SEMA5A: variants seen among roughly 807,000 people sequenced by gnomAD.
The protein encoded by SEMA5A is semaphorin-5A.
Under a neutral mutation model 135.5 loss-of-function variants are expected in SEMA5A, and 55 were observed. That is an observed-to-expected ratio of 0.41 (90% CI 0.33 to 0.51). The LOEUF is 0.51. SEMA5A is among the 20% of genes least tolerant of loss of function. The pLI, the probability that SEMA5A is intolerant of heterozygous loss-of-function variation, is 0.37. For synonymous variants in SEMA5A, 580 were observed against 546.5 expected, an observed-to-expected ratio of 1.06 and a Z score of -0.85; for missense variants, 1,290 against 1,419.9, an observed-to-expected ratio of 0.91 and a Z score of 1.47.
At chr5:9,290,402 A>G (rs536955163) in intron 5 of SEMA5A, among the ~76,000 whole-genome samples, 1 of 152,326 alleles carries the variant, frequency 6.6e-6, no homozygotes, top group East Asian at 1.9e-4. Context: ...TTTATGATAT[A>G]CATATATATA....
At chr5:9,492,201 T>C (rs1735049950) in intron 1 of SEMA5A, among the ~76,000 whole-genome samples, 1 of 152,184 alleles carries the variant, frequency 6.6e-6, no homozygotes, top group Non-Finnish European at 1.5e-5. Flanking sequence ...ATGTTATGAG[T>C]TGGAAAGTGG....
intron 1 of SEMA5A, among the ~76,000 whole-genome samples, chr5:9,480,754 A>G (rs1016266855): frequency 6.6e-6 from 1 of 152,128 alleles, no homozygotes; most frequent in Non-Finnish European, 1.5e-5. Flanking sequence ...TGTGCAAATT[A>G]GAGGTGTCAG....
intron 1 of SEMA5A, among the ~76,000 whole-genome samples, chr5:9,455,625 A>G (rs998140405): frequency 6.6e-6 from 1 of 152,228 alleles, no homozygotes; most frequent in East Asian, 1.9e-4. Context: ...AATGGGCCAG[A>G]ACAGAGAAGG....
intron 5 of SEMA5A, among the ~76,000 whole-genome samples, chr5:9,248,769 G>A (rs1172576647): frequency 6.6e-6 from 1 of 152,028 alleles, no homozygotes; most frequent in African/African-American, 2.4e-5. Flanking sequence ...CAAGGAGGCC[G>A]GCAGCCACCC....
chr5:9,214,598 G>A (rs1651098614), intron 8 of SEMA5A, among the ~76,000 whole-genome samples: 1 of 152,114 alleles, frequency 6.6e-6, no homozygotes, highest in African/African-American at 2.4e-5. Flanking sequence ...CCTTACTCAG[G>A]GATCTCTGTA....
chr5:9,235,495 T>C (rs774504506), intron 6 of SEMA5A, among the ~76,000 whole-genome samples: 1 of 152,186 alleles, frequency 6.6e-6, no homozygotes, highest in Non-Finnish European at 1.5e-5. Context: ...ACTACCCTGG[T>C]ATGGGCTTCT....
intron 12 of SEMA5A, among the ~76,000 whole-genome samples, chr5:9,141,791 T>C (rs1298433862): frequency 6.6e-6 from 1 of 152,214 alleles, no homozygotes; most frequent in East Asian, 1.9e-4. Context: ...TCACTGTATT[T>C]CTGAAAAGTT....
At chr5:9,171,475 G>A (rs1038155274) in intron 11 of SEMA5A, among the ~76,000 whole-genome samples, 5 of 152,168 alleles carry the variant, frequency 3.3e-5, no homozygotes, top group African/African-American at 4.8e-5. Flanking sequence ...ACTCATGGTC[G>A]AGACGACAAG....
At chr5:9,232,483 C>T (rs1382880114) in intron 6 of SEMA5A, among the ~76,000 whole-genome samples, 1 of 152,098 alleles carries the variant, frequency 6.6e-6, no homozygotes, top group Non-Finnish European at 1.5e-5. Flanking sequence ...CCATACCTAA[C>T]CAAATCAGAT....
intron 8 of SEMA5A, among the ~76,000 whole-genome samples, chr5:9,211,370 T>C (rs1746337592): frequency 6.6e-6 from 1 of 152,220 alleles, no homozygotes; most frequent in African/African-American, 2.4e-5. Context: ...TACCCACATA[T>C]ACTTCATTCC....
intron 2 of SEMA5A, among the ~76,000 whole-genome samples, chr5:9,399,986 G>T (rs1046931841): frequency 1.3e-5 from 2 of 152,098 alleles, no homozygotes; most frequent in Non-Finnish European, 2.9e-5. Flanking sequence ...CCATAAAAAA[G>T]GATGACTTCA....
At chr5:9,053,281 C>T (rs1216578804) in intron 19 of SEMA5A, among the ~76,000 whole-genome samples, 4 of 152,198 alleles carry the variant, frequency 2.6e-5, no homozygotes, top group Non-Finnish European at 5.9e-5. Flanking sequence ...CCAAGGCTGG[C>T]TCCTATGAGG....
chr5:9,372,621 G>C (rs891181123), intron 3 of SEMA5A, among the ~76,000 whole-genome samples: 6 of 151,954 alleles, frequency 3.9e-5, no homozygotes, highest in African/African-American at 1.4e-4. Context: ...CATGCATGTA[G>C]CTGTGGGAGA....
At chr5:9,180,065 T>A (rs1023475682) in intron 11 of SEMA5A, among the ~76,000 whole-genome samples, 3 of 152,186 alleles carry the variant, frequency 2.0e-5, no homozygotes, top group African/African-American at 4.8e-5. Context: ...TGCACTCCAA[T>A]CTCTGCCCGT....
intron 3 of SEMA5A, among the ~76,000 whole-genome samples, chr5:9,362,888 G>A (rs1003684148): frequency 6.6e-6 from 1 of 152,200 alleles, no homozygotes; most frequent in Non-Finnish European, 1.5e-5. Flanking sequence ...ATGCACAAAT[G>A]AGAAACAACA....
intron 16 of SEMA5A, among the ~76,000 whole-genome samples, chr5:9,091,406 A>G (rs766554376): frequency 7.9e-5 from 12 of 152,186 alleles, no homozygotes; most frequent in Admixed American, 4.6e-4. Context: ...AGAGCTGAGG[A>G]TGACAATCCA....
intron 5 of SEMA5A, among the ~76,000 whole-genome samples, chr5:9,272,510 G>T: frequency 6.6e-6 from 1 of 152,172 alleles, no homozygotes; most frequent in East Asian, 1.9e-4. Context: ...TTTGAGCTCT[G>T]ATAAGGGACA....
chr5:9,185,055 G>A lies in SEMA5A; in HGVS notation c.1273+5212C>T, dbSNP rs527848795. ...CAATCCTCCCAACTCAGCCTCCAGA[G>A]TAGCTGGGACTGCAGGTGCTCACCA... On this transcript the variant is annotated intron_variant, in intron 11 of 22. Coordinates refer to ENST00000382496, the MANE Select transcript of SEMA5A (RefSeq NM_003966.3). Among the ~76,000 whole-genome samples the A allele has an allele frequency of 5.9e-5, 9 of 152,264 alleles. No individual in the cohort carries two copies. In the East Asian group the frequency reaches 1.5e-3, roughly 26 times the overall value.
rs753208150 is a variant in SEMA5A, at chr5:9,224,833, A to G, written c.487T>C (p.Tyr163His). ...DQISGMARCP[Y>H]SPQHNSTALL... ...GCTGTGGAATTGTGCTGGGGACTGT[A>G]GGGACAGCGGGCCATGCCACTGATC... Residue 163 changes from tyrosine (Y) to histidine (H), a missense_variant, in exon 8 of 23, where the codon TAC (tyrosine) becomes CAC (histidine). By Grantham distance (83) the Tyr-to-His change is moderately conservative (BLOSUM62 2). Transcript: ENST00000382496. 6.8e-6 allele frequency: 11 copies of G among 1,613,976 alleles called. No homozygotes were observed. The highest frequency in any genetic ancestry group is 9.3e-6 in the Non-Finnish European group (11 of 1,179,936).
Sources: gnomAD v4.1 joint callset for allele counts (sites outside exome capture counted in the v4.1 genomes callset) on GRCh38, gnomAD v4.1.1 for gene constraint, MANE v1.5 for transcripts, NCBI Gene and HGNC (gene_info 2026-07-23, HGNC 2026-07-21) for gene names.